The following ITCH variants were observed in gnomAD, a reference collection of about 807,000 sequenced individuals.
The protein encoded by ITCH is itchy E3 ubiquitin protein ligase.
ITCH carries 28 observed loss-of-function variants against 126.8 expected under a neutral mutation model. The observed-to-expected ratio is 0.22, with a 90% CI of 0.16 to 0.30. The LOEUF is 0.30. Ranked by LOEUF, ITCH falls within the 10% of genes least tolerant of loss-of-function variation. ITCH has a pLI of 1.00. For synonymous variants in ITCH, 342 were observed against 340.0 expected (o/e 1.01, Z -0.06); for missense variants, 631 against 1,032.4 (o/e 0.61, Z 5.33).
intron 2 of ITCH, among the ~76,000 whole-genome samples, chr20:34,378,786 TGA>T (rs1043170518): frequency 3.3e-5 from 5 of 152,158 alleles, no homozygotes; most frequent in African/African-American, 4.8e-5. Flanking sequence ...GAAAATAATG[TGA>T]GAGAGAGATT....
At chr20:34,381,018 T>A (rs1470040836) in intron 2 of ITCH, among the ~76,000 whole-genome samples, 2 of 151,680 alleles carry the variant, frequency 1.3e-5, no homozygotes, top group African/African-American at 4.8e-5. Flanking sequence ...GAACTCCTGG[T>A]CTCAAGTAAT....
intron 7 of ITCH, among the ~76,000 whole-genome samples, chr20:34,434,423 G>C (rs1982740281): frequency 6.6e-6 from 1 of 152,228 alleles, no homozygotes; most frequent in Admixed American, 6.5e-5. Flanking sequence ...AAACATTTTA[G>C]GTTTGGGTGC....
chr20:34,509,868 C>T lies in ITCH; in HGVS notation c.*2074C>T, dbSNP rs1719207566. 1 of 152,426 alleles carries T rather than the reference C, an allele frequency of 6.6e-6. No homozygotes were observed. Among genetic ancestry groups the T allele is most frequent in the Admixed American group, 6.6e-5 (1 of 15,260 alleles). The allele number at this position is 152,426 out of a possible 1,614,324, so 9.4% of individuals were successfully genotyped here. ...GAAATGTAGTTACCTACAATATTTA[C>T]TAGAGATTTATGAAATTAAATTAAG... On this transcript the variant is annotated 3_prime_UTR_variant, in exon 25 of 25. Transcript: ENST00000374864.
chr20:34,507,632 C>CTACTTTA, intron 24 of ITCH, 63 bp from the exon 25 acceptor site: 1 of 1,195,014 alleles, frequency 8.4e-7, no homozygotes, highest in Non-Finnish European at 1.2e-6. Flanking sequence ...AAGTAGTATA[C>CTACTTTA]TACACTACTC....
intron 10 of ITCH, 98 bp from the exon 11 acceptor site, chr20:34,445,189 C>T: frequency 2.4e-6 from 3 of 1,268,634 alleles, no homozygotes; most frequent in Non-Finnish European, 3.3e-6. Flanking sequence ...TAAAAGACTC[C>T]AGATAAATCA....
chr20:34,445,257 C>CTTTTTT, intron 10 of ITCH, 30 bp from the exon 11 acceptor site: 1 of 1,207,896 alleles, frequency 8.3e-7, no homozygotes, highest in Non-Finnish European at 1.2e-6. Flanking sequence ...GTTGAATTAG[C>CTTTTTT]TTGTTTTTTT....
rs10598635 is a variant in ITCH at position 34,510,443 on chromosome 20, A to ATTTTTTT, written c.*2670_*2676dup. The stretch of plus-strand genomic sequence containing the variant: ...TTGTAAATGCTAATAAATCCTGTTA[A>ATTTTTTT]TTTTTTTTTTTTTTTTTTTTTTTTT... On this transcript the variant is annotated 3_prime_UTR_variant, in exon 25 of 25. Transcript: ENST00000374864. 1.6e-5 allele frequency: 1 copy of ATTTTTTT among 63,226 alleles called. No individual in the cohort carries two copies. The highest frequency in any genetic ancestry group is 2.7e-5 in the Non-Finnish European group (1 of 36,452). 3.9% of individuals were successfully genotyped at this position (63,226 alleles called of 1,614,324 possible). A position where few individuals can be genotyped will look rare whatever the true frequency, so the allele number is the denominator to read the frequency against.
rs1988713230 is a variant in ITCH, at chr20:34,481,185, A to C, written c.2072A>C (p.Glu691Ala). Residue 691 changes from glutamate (E) to alanine (A), a missense_variant, in exon 20 of 25, where the codon GAA (glutamate) becomes GCA (alanine). Around this residue, in one of 4 missense-constraint regions of ITCH, gnomAD observed 390 missense variants for 731.6 expected, o/e 0.53. Coordinates refer to ENST00000374864, the MANE Select transcript of ITCH (RefSeq NM_031483.7). Reference sequence around the variant, plus strand: ...GGTGGCAATATTCTTGTAACAGAAGAAAATAAAGAGGAATACATCAGGTGA... The same window carrying C: ...GGTGGCAATATTCTTGTAACAGAAGCAAATAAAGAGGAATACATCAGGTGA... ...PNGGNILVTE[E>A]NKEEYIRMVA... 1.2e-6 allele frequency: 2 copies of C among 1,613,444 alleles called. No individual in the cohort carries two copies. The highest frequency in any genetic ancestry group is 2.2e-5 in the South Asian group (2 of 91,078).
chr20:34,435,468 C>G (rs1003962093), intron 7 of ITCH, among the ~76,000 whole-genome samples: 1 of 152,034 alleles, frequency 6.6e-6, no homozygotes, highest in Non-Finnish European at 1.5e-5. Context: ...TGCAGCCGGC[C>G]GATTTCTTCT....
At chr20:34,424,609 G>T in intron 7 of ITCH, 84 bp downstream of exon 7, 1 of 1,123,946 alleles carries the variant, frequency 8.9e-7, no homozygotes, top group South Asian at 1.2e-5. Flanking sequence ...TCAGGTTCAT[G>T]ATATAAGAAT....
At chr20:34,396,401 T>C (rs1358407887) in intron 3 of ITCH, among the ~76,000 whole-genome samples, 1 of 152,188 alleles carries the variant, frequency 6.6e-6, no homozygotes, top group Non-Finnish European at 1.5e-5. Context: ...TTCCGATTTC[T>C]CTACATTCTT....
intron 11 of ITCH, among the ~76,000 whole-genome samples, chr20:34,447,896 TG>T (rs1984662485): frequency 2.0e-5 from 3 of 152,124 alleles, no homozygotes. Context: ...GTTGTAGGGG[TG>T]GGTAAAGAAA....
At chr20:34,486,344 G>A (rs1293382681) in intron 20 of ITCH, among the ~76,000 whole-genome samples, 8 of 139,158 alleles carry the variant, frequency 5.7e-5, no homozygotes, top group Non-Finnish European at 3.1e-5. Context: ...TTTTTCCCCC[G>A]AGACAGAGTC....
At chr20:34,403,593 C>T (rs148313181) in intron 3 of ITCH, among the ~76,000 whole-genome samples, 1 of 152,188 alleles carries the variant, frequency 6.6e-6, no homozygotes, top group Non-Finnish European at 1.5e-5. Context: ...TAAAGATTGG[C>T]TATATCTGTG....
chr20:34,499,778 G>A (rs1990137937), intron 23 of ITCH, among the ~76,000 whole-genome samples: 1 of 151,770 alleles, frequency 6.6e-6, no homozygotes, highest in Admixed American at 6.6e-5. Context: ...GTATCATTAG[G>A]TCATTTGTTT....
At chr20:34,383,841 T>C (rs2038162520) in intron 2 of ITCH, among the ~76,000 whole-genome samples, 1 of 143,996 alleles carries the variant, frequency 6.9e-6, no homozygotes, top group Non-Finnish European at 1.5e-5. Flanking sequence ...TAATTCTTTT[T>C]TTTTTTTTTT....
intron 1 of ITCH, among the ~76,000 whole-genome samples, chr20:34,365,770 A>G (rs1048060949): frequency 6.6e-6 from 1 of 152,184 alleles, no homozygotes; most frequent in African/African-American, 2.4e-5. Context: ...GTAGTCCCCA[A>G]ATTTGACCAT....
At chr20:34,397,993 ATT>A (rs570535836) in intron 3 of ITCH, among the ~76,000 whole-genome samples, 28 of 143,014 alleles carry the variant, frequency 2.0e-4, no homozygotes, top group Admixed American at 1.4e-4. Flanking sequence ...TCGTTATTGA[ATT>A]TTTTTTTTTT....
At position 34,478,839 on chromosome 20, in the gene ITCH, C is replaced by A. The variant is rs905130838; in HGVS notation, c.1659-791C>A. On this transcript the variant is annotated intron_variant, in intron 17 of 24. Coordinates refer to ENST00000374864, the MANE Select transcript of ITCH (RefSeq NM_031483.7). ...CATGTAATTTTGTATAAGTTAAAGGCAATTGAAGAGGAGAGCAATCATTCA... is the reference window on the plus strand; with the variant it reads ...CATGTAATTTTGTATAAGTTAAAGGAAATTGAAGAGGAGAGCAATCATTCA... Among the ~76,000 whole-genome samples the A allele has an allele frequency of 1.5e-4, 23 of 151,800 alleles. No individual in the cohort carries two copies. In the South Asian group the frequency reaches 1.7e-3, roughly 11 times the overall value.
Sources: gnomAD v4.1 joint callset for allele counts (sites outside exome capture counted in the v4.1 genomes callset) on GRCh38, gnomAD v4.1.1 for gene constraint, gnomAD v4.1.1 regional missense constraint, MANE v1.5 for transcripts, NCBI Gene and HGNC (gene_info 2026-07-23, HGNC 2026-07-21) for gene names.